The following AFAP1 variants were observed in gnomAD, a reference collection of about 807,000 sequenced individuals.
The protein encoded by AFAP1 is actin filament-associated protein 1.
AFAP1 carries 75 observed loss-of-function variants against 93.9 expected under a neutral mutation model. The ratio of observed to expected loss-of-function variants is 0.80; its 90% confidence interval spans 0.66 to 0.97. The LOEUF (loss-of-function observed/expected upper bound fraction) is 0.97. Among genes scored for constraint, AFAP1 ranks in the 50% least tolerant of loss-of-function variants. The pLI is 0.00. For synonymous variants in AFAP1, 517 were observed against 430.7 expected (o/e 1.20, Z -2.48); for missense variants, 1,201 against 1,050.8 (o/e 1.14, Z -1.98).
intron 6 of AFAP1, among the ~76,000 whole-genome samples, chr4:7,824,861 T>C (rs1258544807): frequency 6.6e-6 from 1 of 152,120 alleles, no homozygotes; most frequent in Non-Finnish European, 1.5e-5. Flanking sequence ...ATTTGGGTGA[T>C]GGATACCCTG....
At chr4:7,842,301 C>CAAAAAAAAAAAAAAAAAAAAA (rs57050150) in intron 5 of AFAP1, among the ~76,000 whole-genome samples, 1 of 94,898 alleles carries the variant, frequency 1.1e-5, no homozygotes, top group African/African-American at 4.1e-5. Context: ...CCTGGATTTA[C>CAAAAAAAAAAAAAAAAAAAAA]AAAAAAAAAA....
At chr4:7,926,308 T>A (rs948926642) in intron 1 of AFAP1, among the ~76,000 whole-genome samples, 1 of 152,184 alleles carries the variant, frequency 6.6e-6, no homozygotes, top group African/African-American at 2.4e-5. Context: ...TAAGCCCTCT[T>A]CAGCATCAAA....
intron 6 of AFAP1, among the ~76,000 whole-genome samples, chr4:7,819,457 C>A (rs559542902): frequency 6.6e-6 from 1 of 152,136 alleles, no homozygotes; most frequent in East Asian, 1.9e-4. Context: ...TCGCCATGAA[C>A]AATAAGGGTC....
At position 7,775,743 on chromosome 4, in the gene AFAP1, T is replaced by TC. The variant is rs1335036364; in HGVS notation, c.1898-841dup. On this transcript the variant is annotated intron_variant, in intron 14 of 17. Transcript: ENST00000420658. ...TGACCTGGAACAGGGCACGAATCCC[T>TC]CTGTGCCTCAGTTTCCCTCATCCGT... The TC allele has an allele frequency of 3.3e-5, 5 of 152,190 alleles. No individual in the cohort carries two copies. The East Asian group carries it at 7.7e-4, about 23-fold the overall frequency. The allele number at this position is 152,190 out of a possible 1,614,324, so 9.4% of individuals were successfully genotyped here. A position where few individuals can be genotyped will look rare whatever the true frequency, so the allele number is the denominator to read the frequency against.
chr4:7,790,400 A>C (rs1717756910), intron 11 of AFAP1, among the ~76,000 whole-genome samples: 1 of 152,214 alleles, frequency 6.6e-6, no homozygotes, highest in African/African-American at 2.4e-5. Context: ...TGACCTTGCC[A>C]CATTTGATTT....
intron 8 of AFAP1, among the ~76,000 whole-genome samples, chr4:7,810,647 G>C (rs1719934411): frequency 6.6e-6 from 1 of 152,208 alleles, no homozygotes; most frequent in Non-Finnish European, 1.5e-5. Context: ...TTAAATTGGA[G>C]TTAATTTTTG....
At chr4:7,840,549 T>C (rs1712890084) in intron 5 of AFAP1, among the ~76,000 whole-genome samples, 1 of 152,164 alleles carries the variant, frequency 6.6e-6, no homozygotes, top group Admixed American at 6.5e-5. Flanking sequence ...CCTGACTTCA[T>C]GATCCGCCCG....
At chr4:7,778,607 C>T (rs1041273516) in intron 14 of AFAP1, 155 bp downstream of exon 14, 6 of 756,794 alleles carry the variant, frequency 7.9e-6, no homozygotes, top group South Asian at 6.1e-5. Context: ...CGCCACTGTC[C>T]TTCTATGTGG....
intron 1 of AFAP1, among the ~76,000 whole-genome samples, chr4:7,880,205 G>A (rs1717759981): frequency 6.6e-6 from 1 of 151,710 alleles, no homozygotes; most frequent in Non-Finnish European, 1.5e-5. Flanking sequence ...CTACTTTAAA[G>A]GCATTTTCTT....
chr4:7,882,634 G>C (rs1169309735), intron 1 of AFAP1, among the ~76,000 whole-genome samples: 1 of 152,172 alleles, frequency 6.6e-6, no homozygotes, highest in East Asian at 1.9e-4. Flanking sequence ...GCCGAGGCAG[G>C]CAGAGCACAA....
chr4:7,773,182 C>A (rs1424554337), intron 15 of AFAP1, 172 bp from the exon 16 acceptor site: 17 of 994,954 alleles, frequency 1.7e-5, no homozygotes, highest in South Asian at 1.6e-4. Context: ...GGATCAGAGT[C>A]CTTCTCCTAC....
intron 9 of AFAP1, 190 bp downstream of exon 9, chr4:7,809,424 A>C (rs1313182975): frequency 3.5e-6 from 2 of 573,444 alleles, no homozygotes; most frequent in Admixed American, 8.2e-5. Flanking sequence ...AAAGGCCTGC[A>C]AAGTCTTGTA....
intron 17 of AFAP1, among the ~76,000 whole-genome samples, chr4:7,764,705 A>T (rs772187435): frequency 6.6e-6 from 1 of 152,242 alleles, no homozygotes; most frequent in Non-Finnish European, 1.5e-5. Context: ...CAGCACTGTG[A>T]AAGCAGGGAC....
intron 1 of AFAP1, among the ~76,000 whole-genome samples, chr4:7,918,994 G>A (rs6853840): frequency 0.011 from 500 of 46,830 alleles, 8 homozygotes; most frequent in East Asian, 0.04. Context: ...CAGGTCACCA[G>A]GAAACAGGGC....
intron 1 of AFAP1, among the ~76,000 whole-genome samples, chr4:7,884,759 A>C (rs1244081973): frequency 6.6e-6 from 1 of 152,258 alleles, no homozygotes; most frequent in Non-Finnish European, 1.5e-5. Flanking sequence ...ATTCTTTTAT[A>C]ACCTGGGTGT....
At chr4:7,783,855 G>A (rs1021544084) in intron 12 of AFAP1, among the ~76,000 whole-genome samples, 1 of 152,222 alleles carries the variant, frequency 6.6e-6, no homozygotes, top group Non-Finnish European at 1.5e-5. Context: ...AGGAAAAGGC[G>A]TGTGAAAGGG....
intron 1 of AFAP1, among the ~76,000 whole-genome samples, chr4:7,921,862 A>C (rs1577361601): frequency 6.6e-6 from 1 of 152,230 alleles, no homozygotes. Flanking sequence ...GCGGTGGCTC[A>C]CGCCTGTAAT....
intron 1 of AFAP1, among the ~76,000 whole-genome samples, chr4:7,912,256 T>A (rs896855375): frequency 1.3e-5 from 2 of 152,240 alleles, no homozygotes; most frequent in Non-Finnish European, 2.9e-5. Context: ...AATGCTGCTA[T>A]GAACAGATAC....
chr4:7,868,696 G>A lies in AFAP1; in HGVS notation c.151C>T (p.Gln51Ter), dbSNP rs1199555545. The A allele has an allele frequency of 2.5e-6, 4 of 1,613,510 alleles. No homozygotes were observed. Among genetic ancestry groups the A allele is most frequent in the Non-Finnish European group, 2.5e-6 (3 of 1,179,950 alleles). ...SKGFDVKDHA[Q>*]KQETANSLPA... ...AGGCTGTTAGCGGTCTCCTGCTTCT[G>A]AGCATGGTCCTTCACATCAAAACCT... The change falls in exon 3 of 18, where the codon CAG becomes TAG. Residue 51 changes from glutamine to a stop codon, truncating the protein, a stop_gained. Transcript: ENST00000420658. LOFTEE classifies it high-confidence loss of function.
Sources: allele counts gnomAD v4.1 joint callset (sites outside exome capture counted in the v4.1 genomes callset), GRCh38; gene constraint gnomAD v4.1.1; transcripts MANE v1.5; gene names NCBI Gene and HGNC (gene_info 2026-07-23, HGNC 2026-07-21).